PRKN: variants seen among roughly 807,000 people sequenced by gnomAD.
The protein encoded by PRKN is E3 ubiquitin-protein ligase parkin.
A neutral mutation model predicts 59.5 loss-of-function variants in PRKN; 56 were observed. The observed-to-expected ratio is 0.94, with a 90% CI of 0.76 to 1.18. The LOEUF (loss-of-function observed/expected upper bound fraction) is 1.18, where lower values mean the gene tolerates loss of function less well. Ranked by LOEUF, PRKN falls within the 50% of genes most tolerant of loss-of-function variation. The pLI is 0.00. For missense variants in PRKN, 657 were observed against 596.4 expected, an observed-to-expected ratio of 1.10 and a Z score of -1.06; for synonymous variants, 250 against 222.1, an observed-to-expected ratio of 1.13 and a Z score of -1.12.
intron 4 of PRKN, among the ~76,000 whole-genome samples, chr6:162,110,690 C>A (rs2128302137): frequency 6.6e-6 from 1 of 152,232 alleles, no homozygotes; most frequent in East Asian, 1.9e-4. Context: ...AAAAGGCAAC[C>A]TTGAAACAGG....
chr6:161,690,575 C>T (rs1056772708), intron 7 of PRKN, among the ~76,000 whole-genome samples: 1 of 152,134 alleles, frequency 6.6e-6, no homozygotes, highest in Non-Finnish European at 1.5e-5. Flanking sequence ...TGGTTGTGTC[C>T]GTGAGGGTGT....
chr6:162,017,627 T>C (rs1432572535), intron 5 of PRKN, among the ~76,000 whole-genome samples: 1 of 152,186 alleles, frequency 6.6e-6, no homozygotes, highest in Non-Finnish European at 1.5e-5. Flanking sequence ...TCACGACAAA[T>C]ATAGTTTTTC....
chr6:162,485,959 G>A (rs900079165), intron 1 of PRKN, among the ~76,000 whole-genome samples: 5 of 152,186 alleles, frequency 3.3e-5, no homozygotes, highest in Admixed American at 1.3e-4. Context: ...ATGATTGTCA[G>A]TGGCTATTAA....
intron 6 of PRKN, among the ~76,000 whole-genome samples, chr6:161,938,015 T>C (rs1779419121): frequency 6.6e-6 from 1 of 152,224 alleles, no homozygotes; most frequent in South Asian, 2.1e-4. Flanking sequence ...TCCTACTTTT[T>C]ACCAGAAAAA....
At chr6:162,381,233 C>T (rs1259011796) in intron 2 of PRKN, among the ~76,000 whole-genome samples, 4 of 152,124 alleles carry the variant, frequency 2.6e-5, no homozygotes, top group East Asian at 1.9e-4. Flanking sequence ...TTTACTCCCC[C>T]GTCACATCCT....
At chr6:161,508,930 T>C (rs1219953000) in intron 9 of PRKN, among the ~76,000 whole-genome samples, 2 of 152,074 alleles carry the variant, frequency 1.3e-5, no homozygotes, top group Admixed American at 1.3e-4. Context: ...CCACAACCTC[T>C]GCCTCCCAGG....
Position 161,794,154 on chromosome 6 carries a change from A to G in PRKN, c.735-8246T>C, listed in dbSNP as rs1056901069. ...TCCCTATCAAATTAATTATGTTCCC[A>G]TTGATAGGTTAACTCATTTTATTTA... On this transcript the variant is annotated intron_variant, in intron 6 of 11. Transcript: ENST00000366898. Among the ~76,000 whole-genome samples the G allele has an allele frequency of 9.2e-5, 14 of 152,186 alleles. 1 individual carries two copies. Among genetic ancestry groups the G allele is most frequent in the Admixed American group, 6.5e-4 (10 of 15,280 alleles).
At chr6:162,128,093 TGCTTTCCTTCCCTCA>T (rs1781193750) in intron 4 of PRKN, among the ~76,000 whole-genome samples, 1 of 152,226 alleles carries the variant, frequency 6.6e-6, no homozygotes. Context: ...CAGAACTTTC[TGCTTTCCTTCCCTCA>T]GCTTTACTGC....
chr6:161,902,556 A>ATCTATTTTTTTTTTTTTTT (rs1382089937), intron 6 of PRKN, among the ~76,000 whole-genome samples: 2 of 118,202 alleles, frequency 1.7e-5, no homozygotes, highest in Non-Finnish European at 1.7e-5. Context: ...CTATTTATTT[A>ATCTATTTTTTTTTTTTTTT]TTTATTTATT....
At chr6:162,185,781 A>G (rs749374432) in intron 4 of PRKN, among the ~76,000 whole-genome samples, 5 of 152,202 alleles carry the variant, frequency 3.3e-5, no homozygotes, top group Non-Finnish European at 7.3e-5. Flanking sequence ...CCTTCAAAAC[A>G]TAAATCAAAG....
intron 6 of PRKN, among the ~76,000 whole-genome samples, chr6:161,915,404 A>G (rs2128237836): frequency 6.6e-6 from 1 of 152,328 alleles, no homozygotes; most frequent in Admixed American, 6.5e-5. Context: ...AATCATATTC[A>G]CTCTTAACCC....
At chr6:162,690,544 C>T (rs993149138) in intron 1 of PRKN, among the ~76,000 whole-genome samples, 4 of 152,176 alleles carry the variant, frequency 2.6e-5, no homozygotes, top group African/African-American at 9.7e-5. Flanking sequence ...ATATACTATA[C>T]CTCCTACCTT....
chr6:162,521,066 G>A (rs1303854338), intron 1 of PRKN, among the ~76,000 whole-genome samples: 1 of 152,096 alleles, frequency 6.6e-6, no homozygotes, highest in Non-Finnish European at 1.5e-5. Flanking sequence ...CTCTATTTAA[G>A]AAAGGGCCTT....
chr6:162,391,142 A>C (rs559150244), intron 2 of PRKN, among the ~76,000 whole-genome samples: 1 of 152,210 alleles, frequency 6.6e-6, no homozygotes, highest in Non-Finnish European at 1.5e-5. Context: ...GCATCTCGAA[A>C]ATCTGCAATG....
intron 3 of PRKN, among the ~76,000 whole-genome samples, chr6:162,224,640 C>G (rs1478080778): frequency 6.6e-6 from 1 of 152,162 alleles, no homozygotes. Context: ...AGGGAATTAA[C>G]AGAGAGGCTG....
At chr6:162,712,181 T>C (rs957420903) in intron 1 of PRKN, among the ~76,000 whole-genome samples, 10 of 152,142 alleles carry the variant, frequency 6.6e-5, no homozygotes, top group African/African-American at 2.4e-4. Flanking sequence ...TAGAGACAGT[T>C]TTCCTTGGTC....
intron 9 of PRKN, among the ~76,000 whole-genome samples, chr6:161,514,595 T>C (rs1261603945): frequency 6.6e-6 from 1 of 152,072 alleles, no homozygotes; most frequent in Non-Finnish European, 1.5e-5. Flanking sequence ...TGACTCACGC[T>C]GGCTTAGGAG....
intron 6 of PRKN, among the ~76,000 whole-genome samples, chr6:161,805,176 G>A (rs1336983802): frequency 6.6e-6 from 1 of 152,128 alleles, no homozygotes; most frequent in Non-Finnish European, 1.5e-5. Context: ...GAAACAATGT[G>A]TCTCAATTCA....
In PRKN at chr6:162,219,581, G is replaced by A. The variant is rs79573138; in HGVS notation, c.413-18329C>T. ...TTTTAAAATAAAGATGAAAAAACTT[G>A]TGCATCATCCAATGGTCCTCCGCAG... On this transcript the variant is annotated intron_variant, in intron 3 of 11. Coordinates refer to ENST00000366898, the MANE Select transcript of PRKN (RefSeq NM_004562.3). Among the ~76,000 whole-genome samples, 566 of 151,198 alleles carry A rather than the reference G, an allele frequency of 3.7e-3. 2 individuals carry two copies. Among genetic ancestry groups the A allele is most frequent in the Non-Finnish European group, 4.7e-3 (316 of 67,880 alleles).
Sources: gnomAD v4.1 joint callset for allele counts (sites outside exome capture counted in the v4.1 genomes callset) on GRCh38, gnomAD v4.1.1 for gene constraint, MANE v1.5 for transcripts, NCBI Gene and HGNC (gene_info 2026-07-23, HGNC 2026-07-21) for gene names.